The following NIPAL2 variants were observed in gnomAD, a reference collection of about 807,000 sequenced individuals.
NIPAL2 encodes NIPA like domain containing 2.
Under a neutral mutation model 48.9 loss-of-function variants are expected in NIPAL2, and 43 were observed. The ratio of observed to expected loss-of-function variants is 0.88; its 90% CI spans 0.69 to 1.13. NIPAL2 has a LOEUF of 1.13. Ranked by LOEUF, NIPAL2 falls within the 50% of genes most tolerant of loss-of-function variation. NIPAL2 has a pLI of 0.00. For missense variants in NIPAL2, 446 were observed against 461.4 expected (o/e 0.97, Z 0.31); for synonymous variants, 167 against 174.6 (o/e 0.96, Z 0.34).
rs147396657 is a variant in NIPAL2 at position 98,287,051 on chromosome 8, G to T, written c.135+6952C>A. 4.6e-3 allele frequency among the ~76,000 whole-genome samples: 697 copies of T among 152,234 alleles called. 7 individuals are homozygous for T. Among genetic ancestry groups the T allele is most frequent in the African/African-American group, 0.016 (671 of 41,518 alleles). On this transcript the variant is annotated intron_variant, in intron 1 of 10. Coordinates refer to ENST00000430223, the MANE Select transcript of NIPAL2 (RefSeq NM_001321635.2). ...TAAGTCTATTGGAACATAGGATGGG[G>T]AAGGGGGTAGTTAACAGAAGTTATA...
At chr8:98,264,065 T>C (rs936522114) in intron 1 of NIPAL2, among the ~76,000 whole-genome samples, 1 of 151,874 alleles carries the variant, frequency 6.6e-6, no homozygotes, top group Non-Finnish European at 1.5e-5. Context: ...AAAAAGCCTT[T>C]GACAAAATTC....
intron 10 of NIPAL2, 97 bp downstream of exon 10, chr8:98,194,631 G>A (rs1340609193): frequency 1.1e-4 from 66 of 595,644 alleles, no homozygotes; most frequent in Non-Finnish European, 1.7e-4. Flanking sequence ...TTTAGGATAA[G>A]AATTATGTTT....
intron 4 of NIPAL2, among the ~76,000 whole-genome samples, chr8:98,229,578 A>G (rs1420433176): frequency 2.0e-5 from 3 of 152,142 alleles, no homozygotes; most frequent in Admixed American, 6.5e-5. Flanking sequence ...GGGTCTGGCC[A>G]TGTTGTCCAG....
At chr8:98,225,649 A>G (rs760447980) in intron 4 of NIPAL2, among the ~76,000 whole-genome samples, 1 of 135,232 alleles carries the variant, frequency 7.4e-6, no homozygotes, top group Admixed American at 7.9e-5. Context: ...ACCTTTGGGA[A>G]TGTGATGATT....
intron 5 of NIPAL2, among the ~76,000 whole-genome samples, chr8:98,219,759 A>G (rs1811756527): frequency 6.6e-6 from 1 of 152,054 alleles, no homozygotes; most frequent in Non-Finnish European, 1.5e-5. Flanking sequence ...TTCATCATCA[A>G]CACTGTGTGT....
intron 5 of NIPAL2, among the ~76,000 whole-genome samples, chr8:98,215,027 G>C (rs1458239945): frequency 2.0e-5 from 3 of 152,196 alleles, no homozygotes; most frequent in Non-Finnish European, 1.5e-5. Flanking sequence ...TCTCGCATGA[G>C]ACAATTATAG....
intron 3 of NIPAL2, among the ~76,000 whole-genome samples, chr8:98,250,046 A>T (rs987175486): frequency 6.6e-6 from 1 of 151,984 alleles, no homozygotes; most frequent in African/African-American, 2.4e-5. Flanking sequence ...GACTTAAGGG[A>T]CTTAACACAC....
At chr8:98,225,473 GACTTAGGAAACTTGTTAGTTT>G (rs1336194044) in intron 4 of NIPAL2, among the ~76,000 whole-genome samples, 1 of 152,112 alleles carries the variant, frequency 6.6e-6, no homozygotes, top group African/African-American at 2.4e-5. Flanking sequence ...ACAGATTTCT[GACTTAGGAAACTTGTTAGTTT>G]ACCTTCTGCT....
At chr8:98,219,153 T>C (rs1000499411) in intron 5 of NIPAL2, among the ~76,000 whole-genome samples, 3 of 151,880 alleles carry the variant, frequency 2.0e-5, no homozygotes, top group Admixed American at 6.6e-5. Flanking sequence ...GGGGAGAAGA[T>C]AGTTTGGTTT....
chr8:98,291,030 GT>G (rs900586868), intron 1 of NIPAL2, among the ~76,000 whole-genome samples: 9 of 152,170 alleles, frequency 5.9e-5, no homozygotes, highest in African/African-American at 2.2e-4. Context: ...CAGCTGGCCA[GT>G]TTGAAAACTG....
chr8:98,250,777 ATTCT>A (rs1345814621), intron 3 of NIPAL2, among the ~76,000 whole-genome samples: 1 of 152,176 alleles, frequency 6.6e-6, no homozygotes, highest in Admixed American at 6.5e-5. Context: ...AGAATAGGAC[ATTCT>A]TTCTGAGTGG....
intron 7 of NIPAL2, among the ~76,000 whole-genome samples, chr8:98,203,557 C>A (rs1810899427): frequency 6.6e-6 from 1 of 152,132 alleles, no homozygotes; most frequent in South Asian, 2.1e-4. Flanking sequence ...AATAGTAGAG[C>A]TATCCATTGA....
chr8:98,212,505 GA>G lies in NIPAL2; in HGVS notation c.559-5del. 1 of 1,312,252 alleles carries G rather than the reference GA, an allele frequency of 7.6e-7. No individual in the cohort carries two copies. Among genetic ancestry groups the G allele is most frequent in the Non-Finnish European group, 1.1e-6 (1 of 910,728 alleles). 81.3% of individuals were successfully genotyped at this position (1,312,252 alleles called of 1,614,324 possible). A position where few individuals can be genotyped will look rare whatever the true frequency, so the allele number is the denominator to read the frequency against. On this transcript the variant is annotated splice_region_variant and splice_polypyrimidine_tract_variant and intron_variant, in intron 5 of 10. Coordinates refer to ENST00000430223, the MANE Select transcript of NIPAL2 (RefSeq NM_001321635.2). ...AGAAAATTAATATTTCTAAAATCTAGAAATGAAAAAGATGGAAAAGAGTAAG... is the reference window on the plus strand; with the variant it reads ...AGAAAATTAATATTTCTAAAATCTAGAATGAAAAAGATGGAAAAGAGTAAG...
intron 1 of NIPAL2, among the ~76,000 whole-genome samples, chr8:98,277,397 C>T (rs958814147): frequency 3.9e-5 from 6 of 152,134 alleles, no homozygotes; most frequent in African/African-American, 1.4e-4. Context: ...ATTAGCTGGG[C>T]ATGGTGGCAC....
At chr8:98,292,637 A>T (rs1343694850) in intron 1 of NIPAL2, among the ~76,000 whole-genome samples, 1 of 152,168 alleles carries the variant, frequency 6.6e-6, no homozygotes, top group Admixed American at 6.5e-5. Flanking sequence ...CAAGAATTCC[A>T]GGAAATGTCA....
At chr8:98,214,165 AT>A (rs1265038027) in intron 5 of NIPAL2, among the ~76,000 whole-genome samples, 1 of 130,494 alleles carries the variant, frequency 7.7e-6, no homozygotes, top group Non-Finnish European at 1.6e-5. Context: ...TTGTTTTAAC[AT>A]CTTTTTTTTT....
At position 98,258,590 on chromosome 8, in the gene NIPAL2, C is replaced by T. The variant is rs531782460; in HGVS notation, c.136-4503G>A. Among the ~76,000 whole-genome samples the T allele has an allele frequency of 2.0e-5, 3 of 152,188 alleles. No homozygotes were observed. In the East Asian group the frequency reaches 5.8e-4, roughly 29 times the overall value. On this transcript the variant is annotated intron_variant, in intron 1 of 10. Transcript: ENST00000430223. ...AACTGTAACCCAACTTAGTGGGTAA[C>T]AAGACTGAAACCCGAACTTAGGAGT...
At chr8:98,229,675 G>A (rs565312122) in intron 4 of NIPAL2, among the ~76,000 whole-genome samples, 1 of 152,158 alleles carries the variant, frequency 6.6e-6, no homozygotes, top group Non-Finnish European at 1.5e-5. Context: ...ACTATGCCCA[G>A]CCAGTAATAA....
At chr8:98,232,486 TA>T (rs1368339534) in intron 4 of NIPAL2, among the ~76,000 whole-genome samples, 6 of 152,184 alleles carry the variant, frequency 3.9e-5, no homozygotes, top group African/African-American at 1.4e-4. Context: ...GTAGTAGTAA[TA>T]ATGACAATTA....
Sources: gnomAD v4.1 joint callset for allele counts (sites outside exome capture counted in the v4.1 genomes callset) on GRCh38, gnomAD v4.1.1 for gene constraint, MANE v1.5 for transcripts, NCBI Gene and HGNC (gene_info 2026-07-23, HGNC 2026-07-21) for gene names.